AFTPH: variants seen among roughly 807,000 people sequenced by gnomAD.
AFTPH encodes the protein aftiphilin.
AFTPH carries 7 observed loss-of-function variants against 72.5 expected under a neutral mutation model. The ratio of observed to expected loss-of-function variants is 0.10; its 90% CI spans 0.05 to 0.18. The LOEUF is 0.18. Among genes scored for constraint, AFTPH ranks in the 10% least tolerant of loss-of-function variants. The pLI is 1.00. For synonymous variants in AFTPH, 337 were observed against 370.1 expected (o/e 0.91, Z 1.03); for missense variants, 979 against 1,060.5 (o/e 0.92, Z 1.07).
chr2:64,536,613 C>T (rs1669905100), intron 1 of AFTPH, among the ~76,000 whole-genome samples: 2 of 144,600 alleles, frequency 1.4e-5, no homozygotes, highest in Admixed American at 1.4e-4. Flanking sequence ...CCAGGGCAAT[C>T]AGATTCATTG....
At chr2:64,590,832 A>C (rs980700323) in intron 8 of AFTPH, among the ~76,000 whole-genome samples, 5 of 152,352 alleles carry the variant, frequency 3.3e-5, no homozygotes, top group Non-Finnish European at 7.3e-5. Context: ...GGAATAAAAA[A>C]GCCTGTAGCT....
intron 7 of AFTPH, 81 bp downstream of exon 8, chr2:64,581,354 A>G: frequency 8.7e-7 from 1 of 1,153,738 alleles, no homozygotes; most frequent in South Asian, 1.5e-5. Flanking sequence ...ATAAACAAGG[A>G]AACAAGTAGA....
chr2:64,569,293 A>G lies in AFTPH; in HGVS notation c.2214+75A>G, dbSNP rs1336954754. On this transcript the variant is annotated intron_variant, in intron 4 of 8. Coordinates refer to ENST00000238856, the Ensembl canonical transcript of AFTPH. The stretch of plus-strand genomic sequence containing the variant: ...TTAAAATTCTGTCATACTTCTGTTT[A>G]AGCTGTGGTAAGCTAGTTCCTCAGA... 5 of 1,486,202 alleles carry G rather than the reference A, an allele frequency of 3.4e-6. No individual in the cohort carries two copies. In the Admixed American group the frequency reaches 1.1e-4, roughly 33 times the overall value. 92.1% of individuals were successfully genotyped at this position (1,486,202 alleles called of 1,614,324 possible).
chr2:64,580,800 T>A (rs1673148132), intron 7 of AFTPH: 1 of 153,684 alleles, frequency 6.5e-6, no homozygotes, highest in African/African-American at 2.4e-5. Flanking sequence ...CATGAAAGAT[T>A]GATTTGGGCA....
intron 5 of AFTPH, 59 bp downstream of exon 5, chr2:64,569,738 A>G (rs1573012460): frequency 1.4e-6 from 2 of 1,465,998 alleles, no homozygotes; most frequent in East Asian, 4.5e-5. Flanking sequence ...CTGTAAAATC[A>G]TCTTAAAATA....
At chr2:64,533,935 C>A (rs1002903709) in intron 1 of AFTPH, among the ~76,000 whole-genome samples, 5 of 152,104 alleles carry the variant, frequency 3.3e-5, no homozygotes, top group African/African-American at 1.2e-4. Context: ...TTAAATCATT[C>A]TAAGTGACAT....
intron 2 of AFTPH, among the ~76,000 whole-genome samples, chr2:64,560,545 T>G (rs1322208851): frequency 4.6e-5 from 7 of 152,186 alleles, no homozygotes; most frequent in Non-Finnish European, 7.3e-5. Flanking sequence ...CCTGAGCCCT[T>G]TCTCCATAAA....
intron 1 of AFTPH, among the ~76,000 whole-genome samples, chr2:64,537,040 C>T (rs1669937318): frequency 6.6e-6 from 1 of 151,434 alleles, no homozygotes; most frequent in South Asian, 2.1e-4. Context: ...AGACACTTTG[C>T]CCTATTAGTA....
At chr2:64,585,740 A>G (rs1404621280) in intron 8 of AFTPH, among the ~76,000 whole-genome samples, 195 bp downstream of exon 9, 2 of 152,214 alleles carry the variant, frequency 1.3e-5, no homozygotes, top group Non-Finnish European at 2.9e-5. Flanking sequence ...GGATTATTTC[A>G]TAAGAGATTG....
intron 7 of AFTPH, 33 bp from the exon 9 acceptor site, chr2:64,585,389 C>T: frequency 6.2e-7 from 1 of 1,611,868 alleles, no homozygotes. Flanking sequence ...CCATTGCAGC[C>T]TGCCATCACT....
chr2:64,552,716 T>C lies in AFTPH; in HGVS notation c.1242T>C (p.Asn414=), dbSNP rs201770027. The C allele has an allele frequency of 2.2e-5, 36 of 1,614,000 alleles. No homozygotes were observed. The East Asian group carries it at 5.8e-4, about 26-fold the overall frequency. The stretch of plus-strand genomic sequence containing the variant: ...TGGATGATTCTTTAAGTGTAAAAAA[T>C]GGTGATAGTAGTAATGACTTTGTGA... Residue 414 remains asparagine (N), a synonymous_variant, in exon 2 of 9, where the codon AAT becomes AAC. Coordinates refer to ENST00000238856, the Ensembl canonical transcript of AFTPH.
chr2:64,550,677 G>GCACGCACACA (rs1553398382), intron 1 of AFTPH, among the ~76,000 whole-genome samples: 4 of 130,234 alleles, frequency 3.1e-5, no homozygotes, highest in African/African-American at 1.1e-4. Flanking sequence ...CTGTACGCAT[G>GCACGCACACA]CACACACACA....
chr2:64,540,105 A>G (rs1670142448), intron 1 of AFTPH, among the ~76,000 whole-genome samples: 1 of 152,206 alleles, frequency 6.6e-6, no homozygotes, highest in African/African-American at 2.4e-5. Context: ...GCAAGATTTT[A>G]GTGAAGGGAC....
intron 7 of AFTPH, among the ~76,000 whole-genome samples, chr2:64,582,213 A>G (rs1673248097): frequency 6.6e-6 from 1 of 152,170 alleles, no homozygotes; most frequent in Admixed American, 6.5e-5. Context: ...CAGATTCACA[A>G]CTAGCCTGGT....
At chr2:64,529,859 A>T (rs1274599818) in intron 1 of AFTPH, among the ~76,000 whole-genome samples, 1 of 152,022 alleles carries the variant, frequency 6.6e-6, no homozygotes, top group Non-Finnish European at 1.5e-5. Context: ...AAATTACTTT[A>T]AAAAAATCCC....
chr2:64,584,786 C>T (rs1038727100), intron 7 of AFTPH, among the ~76,000 whole-genome samples: 14 of 151,898 alleles, frequency 9.2e-5, no homozygotes, highest in East Asian at 3.9e-4. Flanking sequence ...TTAGTAGAGA[C>T]GGGGTTTCAC....
At chr2:64,573,195 C>T in intron 6 of AFTPH, 127 bp downstream of exon 6, 1 of 729,892 alleles carries the variant, frequency 1.4e-6, no homozygotes. Context: ...TAATGATGGA[C>T]ATGATTTTGA....
rs946690162 is a variant in AFTPH, at chr2:64,528,778, G to A, written c.-33+4166G>A. 4.6e-5 allele frequency among the ~76,000 whole-genome samples: 7 copies of A among 152,104 alleles called. No homozygotes were observed. In the East Asian group the frequency reaches 1.3e-3, roughly 29 times the overall value. On this transcript the variant is annotated intron_variant, in intron 1 of 8. Coordinates refer to ENST00000238856, the Ensembl canonical transcript of AFTPH. ...GTACAAATTGTGATCAGAGTTAGAG[G>A]GTGAGAGGGGCAGTGTTTTAGGGTC... is the stretch of plus-strand genomic sequence containing the variant.
At chr2:64,570,208 G>GA (rs1274619251) in intron 5 of AFTPH, among the ~76,000 whole-genome samples, 5 of 152,126 alleles carry the variant, frequency 3.3e-5, no homozygotes, top group Admixed American at 1.3e-4. Context: ...CCGGAAAACT[G>GA]AGACATTTTC....
Sources: allele counts gnomAD v4.1 joint callset (sites outside exome capture counted in the v4.1 genomes callset), GRCh38; gene constraint gnomAD v4.1.1; transcripts MANE v1.5; gene names NCBI Gene and HGNC (gene_info 2026-07-23, HGNC 2026-07-21).